The following TNIK variants were observed in gnomAD, a reference collection of about 807,000 sequenced individuals.
TNIK encodes the protein TRAF2 and NCK interacting kinase.
Under a neutral mutation model 191.3 loss-of-function variants are expected in TNIK, and 49 were observed. The observed-to-expected ratio is 0.26, with a 90% CI of 0.20 to 0.32. The LOEUF (loss-of-function observed/expected upper bound fraction) is 0.32. Ranked by LOEUF, TNIK falls within the 10% of genes least tolerant of loss-of-function variation. The probability of loss-of-function intolerance (pLI) is 1.00; values close to 1 mark genes in which losing one functional copy is unlikely to be tolerated. For missense variants in TNIK, 1,155 were observed against 1,702.3 expected (o/e 0.68, Z 5.66); for synonymous variants, 594 against 600.9 (o/e 0.99, Z 0.17).
At chr3:171,069,356 C>A (rs1718891301) in intron 29 of TNIK, among the ~76,000 whole-genome samples, 2 of 152,206 alleles carry the variant, frequency 1.3e-5, no homozygotes, top group Admixed American at 1.3e-4. Context: ...TCTGGCCCCC[C>A]TCTTTCCCAT....
At chr3:171,338,639 C>T (rs377182931) in intron 2 of TNIK, among the ~76,000 whole-genome samples, 1 of 151,416 alleles carries the variant, frequency 6.6e-6, no homozygotes, top group African/African-American at 2.4e-5. Flanking sequence ...CAGGCATGTA[C>T]CACCATGCTC....
intron 24 of TNIK, among the ~76,000 whole-genome samples, chr3:171,086,913 TAAAC>T (rs968690632): frequency 5.9e-5 from 9 of 152,272 alleles, no homozygotes; most frequent in South Asian, 2.1e-4. Flanking sequence ...TTATTTTTCA[TAAAC>T]AAATCATTTA....
intron 18 of TNIK, among the ~76,000 whole-genome samples, chr3:171,116,458 G>T (rs1325381717): frequency 6.6e-6 from 1 of 152,208 alleles, no homozygotes; most frequent in Non-Finnish European, 1.5e-5. Context: ...TGAAAATGTG[G>T]CAATTATTCC....
chr3:171,134,560 T>C (rs1729714657), intron 15 of TNIK, among the ~76,000 whole-genome samples: 1 of 152,208 alleles, frequency 6.6e-6, no homozygotes, highest in Non-Finnish European at 1.5e-5. Flanking sequence ...GCTGGGATTA[T>C]AGACGTGAGC....
chr3:171,421,147 C>T (rs1009357890), intron 1 of TNIK, among the ~76,000 whole-genome samples: 2 of 152,074 alleles, frequency 1.3e-5, no homozygotes, highest in Admixed American at 6.5e-5. Context: ...ATCACCTAGA[C>T]CAAAAAATGC....
chr3:171,351,156 G>T (rs933369638), intron 2 of TNIK, among the ~76,000 whole-genome samples: 4 of 151,866 alleles, frequency 2.6e-5, no homozygotes, highest in African/African-American at 7.3e-5. Context: ...CTCCCAAAGC[G>T]CTAGGATTAC....
intron 2 of TNIK, among the ~76,000 whole-genome samples, chr3:171,296,891 C>A (rs1316541862): frequency 6.6e-6 from 1 of 152,194 alleles, no homozygotes; most frequent in Non-Finnish European, 1.5e-5. Flanking sequence ...AGTATTCTAT[C>A]TTTACTTTCA....
intron 3 of TNIK, among the ~76,000 whole-genome samples, chr3:171,223,102 C>T (rs775637166): frequency 1.3e-5 from 2 of 152,164 alleles, no homozygotes; most frequent in Non-Finnish European, 2.9e-5. Context: ...TGTCTAGATT[C>T]ATCTTGTATC....
intron 2 of TNIK, among the ~76,000 whole-genome samples, chr3:171,252,641 C>T (rs988294846): frequency 1.3e-5 from 2 of 152,054 alleles, no homozygotes; most frequent in Admixed American, 6.6e-5. Context: ...TAAATTAGAG[C>T]GATATTTTAC....
chr3:171,273,082 GC>G (rs1178709314), intron 2 of TNIK, among the ~76,000 whole-genome samples: 1 of 152,214 alleles, frequency 6.6e-6, no homozygotes, highest in East Asian at 1.9e-4. Context: ...CAAGTTAGAA[GC>G]CCAGGGGAGC....
intron 1 of TNIK, among the ~76,000 whole-genome samples, chr3:171,421,875 G>A (rs1054801628): frequency 2.0e-5 from 3 of 151,778 alleles, no homozygotes; most frequent in Admixed American, 2.0e-4. Context: ...GGGACTACAG[G>A]TGCGTGACAT....
At chr3:171,116,378 G>C (rs1726698495) in intron 18 of TNIK, among the ~76,000 whole-genome samples, 2 of 152,184 alleles carry the variant, frequency 1.3e-5, no homozygotes, top group African/African-American at 4.8e-5. Context: ...TTCTTTAAAT[G>C]CTAACTTTTA....
chr3:171,190,872 AC>A, intron 5 of TNIK, 85 bp from the exon 6 acceptor site: 1 of 939,766 alleles, frequency 1.1e-6, no homozygotes, highest in East Asian at 2.7e-5. Flanking sequence ...GGATCCAAAA[AC>A]TTTACACTCA....
rs558055787 is a variant in TNIK, at chr3:171,417,563, C to T, written c.57+42444G>A. 1.8e-3 allele frequency among the ~76,000 whole-genome samples: 279 copies of T among 152,228 alleles called. 2 individuals are homozygous for T. Among genetic ancestry groups the T allele is most frequent in the Non-Finnish European group, 1.5e-3 (99 of 68,004 alleles). On this transcript the variant is annotated intron_variant, in intron 1 of 32. Coordinates refer to ENST00000436636, the MANE Select transcript of TNIK (RefSeq NM_015028.4). ...TAAAAAAAAGTTAAAAATCATTTAA[C>T]TTTTGACTTCTCATCTCATGCCTAG...
rs763011460 is a variant in TNIK at position 171,182,125 on chromosome 3, T to C, written c.640-4745A>G. Reference sequence around the variant, plus strand: ...CTGCTAAGTCACATGACCTAGTCAATTCTGCTGCTTCCTTAAGCCTTCATT... The same window carrying C: ...CTGCTAAGTCACATGACCTAGTCAACTCTGCTGCTTCCTTAAGCCTTCATT... On this transcript the variant is annotated intron_variant, in intron 7 of 32. Transcript: ENST00000436636. 1.7e-4 allele frequency among the ~76,000 whole-genome samples: 26 copies of C among 151,100 alleles called. 1 individual carries two copies. The highest frequency in any genetic ancestry group is 3.2e-4 in the Non-Finnish European group (22 of 67,806).
chr3:171,198,021 T>C (rs1316970434), intron 4 of TNIK, among the ~76,000 whole-genome samples: 1 of 152,148 alleles, frequency 6.6e-6, no homozygotes, highest in Non-Finnish European at 1.5e-5. Context: ...ACAAAATGTC[T>C]ATCAACAGAA....
At chr3:171,223,921 T>A (rs975364420) in intron 3 of TNIK, among the ~76,000 whole-genome samples, 3 of 152,144 alleles carry the variant, frequency 2.0e-5, no homozygotes, top group Admixed American at 6.6e-5. Context: ...TTTTCTATAA[T>A]AACTCTCAGG....
intron 27 of TNIK, 47 bp downstream of exon 27, chr3:171,082,204 C>G (rs1395514710): frequency 6.3e-7 from 1 of 1,591,492 alleles, no homozygotes; most frequent in Admixed American, 1.8e-5. Context: ...AGGTGGATCC[C>G]TTTCCCGCTG....
chr3:171,304,698 A>C (rs1237186697), intron 2 of TNIK, among the ~76,000 whole-genome samples: 2 of 152,168 alleles, frequency 1.3e-5, no homozygotes, highest in Non-Finnish European at 2.9e-5. Flanking sequence ...TGATGAGTTC[A>C]TGTCCTTTGT....
Sources: gnomAD v4.1 joint callset for allele counts (sites outside exome capture counted in the v4.1 genomes callset) on GRCh38, gnomAD v4.1.1 for gene constraint, MANE v1.5 for transcripts, NCBI Gene and HGNC (gene_info 2026-07-23, HGNC 2026-07-21) for gene names.